Variants in SPTA1 observed in about 807,000 individuals in gnomAD.
The protein encoded by SPTA1 is spectrin alpha, erythrocytic 1.
In SPTA1, 177 loss-of-function variants were observed where a neutral mutation model predicts 324.7. That is an observed-to-expected ratio of 0.55 (90% CI 0.48 to 0.62). SPTA1 has a LOEUF of 0.62. SPTA1 is among the 20% of genes least tolerant of loss of function. The probability of loss-of-function intolerance (pLI) is 0.00; values close to 1 mark genes in which losing one functional copy is unlikely to be tolerated. For missense variants in SPTA1, 3,162 were observed against 2,883.6 expected, an observed-to-expected ratio of 1.10 and a Z score of -2.21; for synonymous variants, 1,195 against 1,041.3, an observed-to-expected ratio of 1.15 and a Z score of -2.84.
chr1:158,681,621 A>G lies in SPTA1; in HGVS notation c.437T>C (p.Leu146Pro). 1 of 1,613,796 alleles carries G rather than the reference A, an allele frequency of 6.2e-7. No homozygotes were observed. The highest frequency in any genetic ancestry group is 8.5e-7 in the Non-Finnish European group (1 of 1,179,792). ...LRHLWDLLLE[L>P]TLEKGDQLLR... ...CAACTGGTCACCCTTCTCCAGGGTC[A>G]GCTCTAACAGCAGGTCCCACAGGTG... Residue 146 changes from leucine (L) to proline (P), a missense_variant, in exon 4 of 52, where the codon CTG becomes CCG. Leu to Pro is a moderately conservative substitution (Grantham distance 98). Transcript: ENST00000643759.
At position 158,619,428 on chromosome 1, in the gene SPTA1, T is replaced by G; in HGVS notation, c.6418-94A>C. 3 of 1,206,236 alleles carry G rather than the reference T, an allele frequency of 2.5e-6. No individual in the cohort carries two copies. In the South Asian group the frequency reaches 3.6e-5, roughly 15 times the overall value. The allele number at this position is 1,206,236 out of a possible 1,614,324, so 74.7% of individuals were successfully genotyped here. A position where few individuals can be genotyped will look rare whatever the true frequency, so the allele number is the denominator to read the frequency against. On this transcript the variant is annotated intron_variant, in intron 44 of 51. Coordinates refer to ENST00000643759, the MANE Select transcript of SPTA1 (RefSeq NM_003126.4). ...TGTAGGCTTAACTGCATATCTTTCCTCTCTCAAGTCTAACCTATCTTCCAC... is the reference window on the plus strand; with the variant it reads ...TGTAGGCTTAACTGCATATCTTTCCGCTCTCAAGTCTAACCTATCTTCCAC...
At chr1:158,680,438 G>C (rs1654721979) in intron 5 of SPTA1, 145 bp downstream of exon 5, 1 of 1,152,872 alleles carries the variant, frequency 8.7e-7, no homozygotes, top group South Asian at 1.3e-5. Context: ...AGAGGAAACT[G>C]TTCAGAATAT....
rs1654276791 is a variant in SPTA1, at chr1:158,674,615, A to G, written c.1173T>C (p.Ala391=). Residue 391 remains alanine, a synonymous_variant, in exon 9 of 52, where the codon GCT becomes GCC. Coordinates refer to ENST00000643759, the MANE Select transcript of SPTA1 (RefSeq NM_003126.4). ...TTGGCAGCTCATCAGCATTGATCGC[A>G]GCAGTCTTCTCGTTCATCCAGCCTG... The part of the protein sequence containing the change: ...ELSGWMNEKT[A]AINADELPTD... 1.2e-6 allele frequency: 2 copies of G among 1,614,128 alleles called. No individual in the cohort carries two copies. The highest frequency in any genetic ancestry group is 1.7e-6 in the Non-Finnish European group (2 of 1,180,004).
chr1:158,673,611 A>G (rs1172309538), intron 10 of SPTA1, among the ~76,000 whole-genome samples: 1 of 152,230 alleles, frequency 6.6e-6, no homozygotes, highest in African/African-American at 2.4e-5. Context: ...GATGTCAACC[A>G]TGTCAGATGC....
chr1:158,628,142 C>T (rs939208632), intron 39 of SPTA1, among the ~76,000 whole-genome samples: 1 of 152,162 alleles, frequency 6.6e-6, no homozygotes, highest in African/African-American at 2.4e-5. Context: ...TTAAGGGGAA[C>T]ATGGAGCTGC....
chr1:158,627,480 C>T, intron 40 of SPTA1, 145 bp downstream of exon 40: 1 of 800,902 alleles, frequency 1.2e-6, no homozygotes, highest in Non-Finnish European at 2.1e-6. Flanking sequence ...ACCACAACAA[C>T]AACAAAAGGC....
At chr1:158,643,955 G>A (rs1392817067) in intron 30 of SPTA1, among the ~76,000 whole-genome samples, 9 of 151,890 alleles carry the variant, frequency 5.9e-5, no homozygotes, top group Non-Finnish European at 4.4e-5. Context: ...TGGCTAACAT[G>A]GTGAAATCCT....
chr1:158,653,324 T>C lies in SPTA1; in HGVS notation c.3138A>G (p.Arg1046=), dbSNP rs765430125. The change falls in exon 22 of 52, where the codon CGA becomes CGG. Residue 1046 remains arginine (R), a synonymous_variant. Coordinates refer to ENST00000643759, the MANE Select transcript of SPTA1 (RefSeq NM_003126.4). Reference sequence around the variant, plus strand: ...GGGTGATGTTTCCTGGCTCTTCTCGTCGCCGCTGTGGGAGCATCGGGAACT... The same window carrying C: ...GGGTGATGTTTCCTGGCTCTTCTCGCCGCCGCTGTGGGAGCATCGGGAACT... ...HDEFPMLPQR[R]REEPGNITQR... 7 of 1,614,010 alleles carry C rather than the reference T, an allele frequency of 4.3e-6. No homozygotes were observed. Among genetic ancestry groups the C allele is most frequent in the East Asian group, 2.2e-5 (1 of 44,890 alleles).
intron 22 of SPTA1, among the ~76,000 whole-genome samples, chr1:158,652,950 T>A (rs1652561026): frequency 6.6e-6 from 1 of 152,152 alleles, no homozygotes; most frequent in East Asian, 1.9e-4. Flanking sequence ...TAACTGACAA[T>A]TGGATATGAA....
At chr1:158,650,093 G>T (rs1276965823) in intron 24 of SPTA1, 146 bp from the exon 25 acceptor site, 2 of 689,816 alleles carry the variant, frequency 2.9e-6, no homozygotes, top group Non-Finnish European at 5.2e-6. Flanking sequence ...TTCTTGGACA[G>T]CTTGAGCTTG....
chr1:158,669,307 G>A (rs1653831085), intron 14 of SPTA1, 101 bp downstream of exon 14: 1 of 1,497,444 alleles, frequency 6.7e-7, no homozygotes, highest in African/African-American at 1.4e-5. Context: ...TATAAAATGA[G>A]GATCACCAGC....
In SPTA1 at chr1:158,612,907, T is replaced by C; in HGVS notation, c.7044A>G (p.Ser2348=). Residue 2348 remains serine (S), a synonymous_variant, in exon 51 of 52, where the codon TCA becomes TCG. Coordinates refer to ENST00000643759, the MANE Select transcript of SPTA1 (RefSeq NM_003126.4). The part of the protein sequence containing the change: ...DYTAFLIDKE[S]ENIKSSDEIE... ...TTTCATCACTGGACTTGATGTTTTC[T>C]GACTCCTTGTCAATCAGGAAAGCAG... 1 of 1,614,004 alleles carries C rather than the reference T, an allele frequency of 6.2e-7. No individual in the cohort carries two copies. Among genetic ancestry groups the C allele is most frequent in the Non-Finnish European group, 8.5e-7 (1 of 1,179,906 alleles).
intron 12 of SPTA1, among the ~76,000 whole-genome samples, chr1:158,671,134 A>G (rs538007386): frequency 1.3e-5 from 2 of 152,220 alleles, no homozygotes; most frequent in East Asian, 3.9e-4. Context: ...CTTTCTCACT[A>G]TATAAACATT....
chr1:158,664,054 G>A (rs1316621358), intron 16 of SPTA1, among the ~76,000 whole-genome samples: 2 of 152,046 alleles, frequency 1.3e-5, no homozygotes, highest in Admixed American at 6.6e-5. Context: ...AAAAATTAAA[G>A]GCCTTACACT....
intron 28 of SPTA1, 21 bp downstream of exon 28, chr1:158,645,474 C>T: frequency 4.3e-6 from 7 of 1,613,916 alleles, no homozygotes; most frequent in Non-Finnish European, 5.9e-6. Context: ...TGATCAGTGG[C>T]TGTGACTTTT....
intron 5 of SPTA1, among the ~76,000 whole-genome samples, 179 bp from the exon 6 acceptor site, chr1:158,678,713 C>G (rs905853752): frequency 1.3e-5 from 2 of 152,090 alleles, no homozygotes; most frequent in Non-Finnish European, 2.9e-5. Flanking sequence ...TGCACACTAC[C>G]AAAACCTAGA....
Position 158,634,708 on chromosome 1 carries a change from A to C in SPTA1, c.5433-33T>G, listed in dbSNP as rs996566097. 7 of 1,613,536 alleles carry C rather than the reference A, an allele frequency of 4.3e-6. No homozygotes were observed. In the African/African-American group the frequency reaches 8.0e-5, roughly 18 times the overall value. ...AAGGTGGCAAGCCCCAGTGAGGATA[A>C]GAACAAACTGGTAAGCAGTGGGAGT... is the stretch of plus-strand genomic sequence containing the variant. On this transcript the variant is annotated intron_variant, in intron 38 of 51. Transcript: ENST00000643759.
At chr1:158,674,885 G>T (rs1272953219) in intron 8 of SPTA1, among the ~76,000 whole-genome samples, 1 of 151,966 alleles carries the variant, frequency 6.6e-6, no homozygotes, top group East Asian at 1.9e-4. Flanking sequence ...ATATTTCTAG[G>T]GTACGTGTGT....
In SPTA1 at chr1:158,645,218, C is replaced by T; in HGVS notation, c.4164G>A (p.Lys1388=). 6.2e-7 allele frequency: 1 copy of T among 1,613,902 alleles called. No homozygotes were observed. Among genetic ancestry groups the T allele is most frequent in the Middle Eastern group, 1.7e-4 (1 of 6,056 alleles). Residue 1388 remains lysine (K), a synonymous_variant, in exon 29 of 52, where the codon AAG becomes AAA. Coordinates refer to ENST00000643759, the MANE Select transcript of SPTA1 (RefSeq NM_003126.4). The part of the protein sequence containing the change: ...DDLEKAWEKR[K]KILDQCLELQ... ...ACTCCAGGCACTGGTCTAGGATCTT[C>T]TTGCGTTTTTCCCAAGCCTTCTCCA...
Sources: allele counts gnomAD v4.1 joint callset (sites outside exome capture counted in the v4.1 genomes callset), GRCh38; gene constraint gnomAD v4.1.1; transcripts MANE v1.5; gene names NCBI Gene and HGNC (gene_info 2026-07-23, HGNC 2026-07-21).